Variants in FBXO11 observed in about 807,000 individuals in gnomAD.
The protein encoded by FBXO11 is F-box only protein 11.
A neutral mutation model predicts 117.0 loss-of-function variants in FBXO11; 13 were observed. The ratio of observed to expected loss-of-function variants is 0.11; its 90% confidence interval spans 0.07 to 0.18. The LOEUF is 0.18. Ranked by LOEUF, FBXO11 falls within the 10% of genes least tolerant of loss-of-function variation. FBXO11 has a pLI of 1.00. For synonymous variants in FBXO11, 490 were observed against 380.5 expected (o/e 1.29, Z -3.35); for missense variants, 767 against 1,164.4 (o/e 0.66, Z 4.97).
At chr2:47,823,507 G>T in intron 11 of FBXO11, 147 bp from the exon 12 acceptor site, 1 of 661,454 alleles carries the variant, frequency 1.5e-6, no homozygotes, top group Non-Finnish European at 2.5e-6. Context: ...GTTAATCCCA[G>T]CACTTTGGGA....
intron 11 of FBXO11, among the ~76,000 whole-genome samples, chr2:47,823,573 T>G (rs962089303): frequency 6.6e-6 from 1 of 151,862 alleles, no homozygotes; most frequent in Non-Finnish European, 1.5e-5. Context: ...GCCAACATGG[T>G]GAAACCCCGT....
intron 1 of FBXO11, among the ~76,000 whole-genome samples, chr2:47,903,379 A>G (rs1161410744): frequency 6.6e-6 from 1 of 152,206 alleles, no homozygotes; most frequent in African/African-American, 2.4e-5. Flanking sequence ...AATTTCATTT[A>G]CCATTTGGTT....
chr2:47,869,341 T>G (rs780258821), intron 1 of FBXO11, among the ~76,000 whole-genome samples: 12 of 152,224 alleles, frequency 7.9e-5, no homozygotes, highest in Non-Finnish European at 1.5e-4. Context: ...GGACTCCTTA[T>G]GCCTTTGAAT....
intron 4 of FBXO11, among the ~76,000 whole-genome samples, chr2:47,837,920 T>A (rs1672712700): frequency 6.6e-6 from 1 of 151,920 alleles, no homozygotes; most frequent in South Asian, 2.1e-4. Flanking sequence ...ATAACAGCAT[T>A]TTTTTCATCT....
At chr2:47,903,008 T>C (rs1047156075) in intron 1 of FBXO11, among the ~76,000 whole-genome samples, 13 of 152,186 alleles carry the variant, frequency 8.5e-5, no homozygotes, top group African/African-American at 2.9e-4. Flanking sequence ...ATTCCTAAAC[T>C]AGCAACAACA....
Position 47,836,819 on chromosome 2 carries a change from C to T in FBXO11, c.588-818G>A, listed in dbSNP as rs563726214. Among the ~76,000 whole-genome samples the T allele has an allele frequency of 3.5e-4, 53 of 152,144 alleles. 1 individual carries two copies. The South Asian group carries it at 4.4e-3, about 13-fold the overall frequency. ...TCTTTTTGAGACAGAGTCTCACTCC[C>T]GTTGCCCACACTGGAGTGCAGAGGC... On this transcript the variant is annotated intron_variant, in intron 4 of 22. Transcript: ENST00000403359.
intron 14 of FBXO11, among the ~76,000 whole-genome samples, chr2:47,819,464 T>A (rs577378580): frequency 6.6e-6 from 1 of 152,216 alleles, no homozygotes; most frequent in African/African-American, 2.4e-5. Context: ...TCCACCCGCG[T>A]TGGCCTCCCA....
chr2:47,824,586 C>A lies in FBXO11; in HGVS notation c.1399-1226G>T, dbSNP rs543262622. On this transcript the variant is annotated intron_variant, in intron 11 of 22. Coordinates refer to ENST00000403359, the MANE Select transcript of FBXO11 (RefSeq NM_001190274.2). The stretch of plus-strand genomic sequence containing the variant: ...CCATTAATAGAGAACTGGCTAAATA[C>A]AATGTTTTTGAAGACTTAGGTTCAT... Among the ~76,000 whole-genome samples the A allele has an allele frequency of 4.6e-5, 7 of 152,194 alleles. No homozygotes were observed. The South Asian group carries it at 1.5e-3, about 32-fold the overall frequency.
chr2:47,900,443 A>T (rs1215638174), intron 1 of FBXO11, among the ~76,000 whole-genome samples: 3 of 152,048 alleles, frequency 2.0e-5, no homozygotes, highest in Non-Finnish European at 2.9e-5. Flanking sequence ...AATGCCACAG[A>T]AAGTATAACT....
intron 11 of FBXO11, among the ~76,000 whole-genome samples, chr2:47,828,065 G>C (rs528238801): frequency 9.9e-5 from 15 of 151,550 alleles, no homozygotes; most frequent in African/African-American, 3.1e-4. Context: ...TTACAACCTT[G>C]AACTTCTGGG....
chr2:47,894,892 GT>G (rs1380083463), intron 1 of FBXO11, among the ~76,000 whole-genome samples: 3 of 152,220 alleles, frequency 2.0e-5, no homozygotes, highest in South Asian at 4.1e-4. Context: ...CTCCTCCTCT[GT>G]TTTTTGTGGA....
Position 47,807,610 on chromosome 2 carries a change from AAAC to A in FBXO11, c.*505_*507del, listed in dbSNP as rs1312368575. The A allele has an allele frequency of 3.6e-5, 8 of 220,120 alleles. No homozygotes were observed. Among genetic ancestry groups the A allele is most frequent in the South Asian group, 1.8e-4 (1 of 5,626 alleles). 13.6% of individuals were successfully genotyped at this position (220,120 alleles called of 1,614,324 possible). ...ACAGTAAGATTTTGCTTGAAATTAA[AAAC>A]AAACTACATGAGATTAAAGCATTAA... is the stretch of plus-strand genomic sequence containing the variant. On this transcript the variant is annotated 3_prime_UTR_variant, in exon 23 of 23. Transcript: ENST00000403359.
intron 16 of FBXO11, among the ~76,000 whole-genome samples, chr2:47,814,919 C>A (rs72809592): frequency 0.014 from 2,122 of 152,278 alleles, 14 homozygotes; most frequent in Non-Finnish European, 0.019. Flanking sequence ...CAGGAACAGA[C>A]CCCACCTCAA....
chr2:47,904,581 AACACACACACACACACAC>A (rs112758707), intron 1 of FBXO11, among the ~76,000 whole-genome samples: 156 of 147,680 alleles, frequency 1.1e-3, no homozygotes, highest in Middle Eastern at 3.5e-3. Context: ...CGCGCGCGCA[AACACACACACACACACAC>A]ACACACACAC....
chr2:47,876,911 TATTC>T (rs1395898783), intron 1 of FBXO11, among the ~76,000 whole-genome samples: 1 of 148,188 alleles, frequency 6.7e-6, no homozygotes, highest in Non-Finnish European at 1.5e-5. Context: ...TCTCGATCTA[TATTC>T]ATTTTTTTTT....
intron 18 of FBXO11, 33 bp downstream of exon 18, chr2:47,813,201 G>A: frequency 1.2e-6 from 2 of 1,602,628 alleles, no homozygotes; most frequent in South Asian, 1.1e-5. Context: ...TGGAAAACTG[G>A]ATTTTTCACT....
At chr2:47,891,264 G>C (rs1677241797) in intron 1 of FBXO11, among the ~76,000 whole-genome samples, 1 of 152,086 alleles carries the variant, frequency 6.6e-6, no homozygotes. Flanking sequence ...CATGCCTGCT[G>C]ACTAGTAACT....
At chr2:47,863,448 C>A (rs1489817899) in intron 1 of FBXO11, among the ~76,000 whole-genome samples, 2 of 152,126 alleles carry the variant, frequency 1.3e-5, no homozygotes, top group African/African-American at 4.8e-5. Context: ...TAAGCGAAAC[C>A]TATAATCAAA....
In FBXO11 at chr2:47,906,101, ATCCCGGTCCCG is replaced by A. The variant is rs1678795544; in HGVS notation, c.-392_-382del. 1 of 203,846 alleles carries A rather than the reference ATCCCGGTCCCG, an allele frequency of 4.9e-6. No individual in the cohort carries two copies. Among genetic ancestry groups the A allele is most frequent in the Non-Finnish European group, 9.8e-6 (1 of 102,056 alleles). 12.6% of individuals were successfully genotyped at this position (203,846 alleles called of 1,614,324 possible). A position where few individuals can be genotyped will look rare whatever the true frequency, so the allele number is the denominator to read the frequency against. ...GCGGCGGCGGCGGCTGAAGAGACAG[ATCCCGGTCCCG>A]CCGACTCGCGAGCGGCGTCTCCGGC... On this transcript the variant is annotated 5_prime_UTR_variant, in exon 1 of 23. Coordinates refer to ENST00000403359, the MANE Select transcript of FBXO11 (RefSeq NM_001190274.2).
Sources: allele counts gnomAD v4.1 joint callset (sites outside exome capture counted in the v4.1 genomes callset), GRCh38; gene constraint gnomAD v4.1.1; transcripts MANE v1.5; gene names NCBI Gene and HGNC (gene_info 2026-07-23, HGNC 2026-07-21).